The following AGAP1 variants were observed in gnomAD, a reference collection of about 807,000 sequenced individuals.
AGAP1 encodes the protein ArfGAP with GTPase domain, ankyrin repeat and PH domain 1.
A neutral mutation model predicts 105.3 loss-of-function variants in AGAP1; 29 were observed. The ratio of observed to expected loss-of-function variants is 0.28; its 90% confidence interval spans 0.21 to 0.38. The LOEUF is 0.38. AGAP1 is among the 10% of genes least tolerant of loss of function. AGAP1 has a pLI of 1.00. For missense variants in AGAP1, 998 were observed against 1,165.1 expected (o/e 0.86, Z 2.09); for synonymous variants, 509 against 485.9 (o/e 1.05, Z -0.63).
intron 1 of AGAP1, among the ~76,000 whole-genome samples, chr2:235,605,207 TAGTAATAAATAAGTGGTAATA>T (rs1428371484): frequency 2.6e-5 from 4 of 152,244 alleles, no homozygotes; most frequent in African/African-American, 4.8e-5. Flanking sequence ...TAACATTTAA[TAGTAATAAATAAGTGGTAATA>T]AGTAATAAAT....
At chr2:235,616,576 C>CCTAT in intron 1 of AGAP1, among the ~76,000 whole-genome samples, 1 of 151,672 alleles carries the variant, frequency 6.6e-6, no homozygotes, top group East Asian at 1.9e-4. Context: ...TTCATTTCTG[C>CCTAT]CTATCTTCTT....
rs542173819 is a variant in AGAP1, at chr2:236,083,601, A to T, written c.2114+34320A>T. 6.6e-6 allele frequency among the ~76,000 whole-genome samples: 1 copy of T among 152,154 alleles called. No individual in the cohort carries two copies. The highest frequency in any genetic ancestry group is 1.5e-5 in the Non-Finnish European group (1 of 68,010). On this transcript the variant is annotated intron_variant, in intron 16 of 17. Transcript: ENST00000304032. This position sits in a 1 kb window ranked among gnomAD's most constrained non-coding sequence, Gnocchi z 5.3. ...ACACCCATGCCTACATTAGAAAGAG[A>T]AGTACCCCAAATTTGGGAGGCTTTC...
intron 1 of AGAP1, among the ~76,000 whole-genome samples, chr2:235,526,296 A>G (rs1942835594): frequency 6.6e-6 from 1 of 152,248 alleles, no homozygotes; most frequent in Non-Finnish European, 1.5e-5. Flanking sequence ...AGATGAATCC[A>G]GAGGCATATC....
chr2:235,581,412 A>C (rs548188989), intron 1 of AGAP1, among the ~76,000 whole-genome samples: 1 of 150,990 alleles, frequency 6.6e-6, no homozygotes, highest in African/African-American at 2.4e-5. Context: ...CCAGCTTTTT[A>C]AGAATTCAAT....
intron 9 of AGAP1, among the ~76,000 whole-genome samples, chr2:235,814,580 A>C (rs979528737): frequency 1.3e-5 from 2 of 152,146 alleles, no homozygotes; most frequent in Non-Finnish European, 2.9e-5. Context: ...TGCAGCCCCC[A>C]GGCTCAGCTC....
chr2:235,947,640 G>A (rs79620397), intron 12 of AGAP1, among the ~76,000 whole-genome samples: 3,546 of 152,188 alleles, frequency 0.023, 149 homozygotes, highest in African/African-American at 0.081. Context: ...ATCTCCCCCC[G>A]ACCAGAATTT....
In AGAP1 at chr2:235,960,935, G is replaced by C. The variant is rs899057956; in HGVS notation, c.1484-7527G>C. 2.0e-5 allele frequency among the ~76,000 whole-genome samples: 3 copies of C among 152,224 alleles called. No homozygotes were observed. Among genetic ancestry groups the C allele is most frequent in the African/African-American group, 7.2e-5 (3 of 41,466 alleles). ...GGTTTTAAAACTAAGTCGCGAAATTGATACACTGCTGTGTGATACACCAGA... is the reference window on the plus strand; with the variant it reads ...GGTTTTAAAACTAAGTCGCGAAATTCATACACTGCTGTGTGATACACCAGA... On this transcript the variant is annotated intron_variant, in intron 12 of 17. Coordinates refer to ENST00000304032, the MANE Select transcript of AGAP1 (RefSeq NM_001037131.3). This position sits in a 1 kb window ranked among gnomAD's most constrained non-coding sequence, Gnocchi z 4.9.
chr2:236,021,616 C>T (rs1271466031), intron 13 of AGAP1, among the ~76,000 whole-genome samples: 1 of 152,156 alleles, frequency 6.6e-6, no homozygotes, highest in Non-Finnish European at 1.5e-5. Flanking sequence ...ATGTTTGGGC[C>T]TGGAGCTTTC....
intron 9 of AGAP1, among the ~76,000 whole-genome samples, chr2:235,863,263 A>G (rs569619890): frequency 6.6e-6 from 1 of 152,378 alleles, no homozygotes; most frequent in South Asian, 2.1e-4. Context: ...CACAGTGCCA[A>G]CCACAATGTG....
rs199516786 is a variant in AGAP1 at position 235,682,336 on chromosome 2, G to GGTTTT, written c.164-26823_164-26819dup. On this transcript the variant is annotated intron_variant, in intron 1 of 17. Transcript: ENST00000304032. Reference sequence around the variant, plus strand: ...TGGAACCAGGATCCTGTTTTGTGGGGGTTTTGTTTTGTTTTGTTTTGTTTG... The same window carrying GGTTTT: ...TGGAACCAGGATCCTGTTTTGTGGGGGTTTTGTTTTGTTTTGTTTTGTTTTGTTTG... 3.1e-3 allele frequency among the ~76,000 whole-genome samples: 475 copies of GGTTTT among 151,510 alleles called. 6 individuals are homozygous for GGTTTT. The highest frequency in any genetic ancestry group is 0.015 in the Admixed American group (228 of 15,196).
chr2:236,029,698 T>A (rs2057167956), intron 13 of AGAP1, among the ~76,000 whole-genome samples: 1 of 152,060 alleles, frequency 6.6e-6, no homozygotes, highest in Admixed American at 6.6e-5. Flanking sequence ...CTTTTTCTTT[T>A]CTCTTTCCCT....
intron 11 of AGAP1, among the ~76,000 whole-genome samples, chr2:235,920,657 G>A (rs1475506583): frequency 1.3e-5 from 2 of 152,190 alleles, no homozygotes; most frequent in African/African-American, 2.4e-5. Context: ...GCCAACTACA[G>A]CACTAAAGCA....
chr2:235,774,014 A>G (rs532184515), intron 6 of AGAP1: 36 of 464,538 alleles, frequency 7.7e-5, no homozygotes, highest in African/African-American at 5.0e-4. Context: ...AAACAGGACC[A>G]AGAGATAGCA....
chr2:235,702,644 CT>C (rs1950309171), intron 1 of AGAP1, among the ~76,000 whole-genome samples: 2 of 152,144 alleles, frequency 1.3e-5, no homozygotes, highest in South Asian at 4.1e-4. Context: ...ACATGGATGA[CT>C]TTTTTCATAC....
rs973320492 is a variant in AGAP1 at position 235,550,765 on chromosome 2, GTTTA to G, written c.163+55924_163+55927del. Among the ~76,000 whole-genome samples, 7 of 152,118 alleles carry G rather than the reference GTTTA, an allele frequency of 4.6e-5. No individual in the cohort carries two copies. Among genetic ancestry groups the G allele is most frequent in the Non-Finnish European group, 1.0e-4 (7 of 68,008 alleles). On this transcript the variant is annotated intron_variant, in intron 1 of 17. Coordinates refer to ENST00000304032, the MANE Select transcript of AGAP1 (RefSeq NM_001037131.3). This position sits in a 1 kb window ranked among gnomAD's most constrained non-coding sequence, Gnocchi z 4.6. Reference sequence around the variant, plus strand: ...AGCTCTTTGATGCTGATGAGATAGTGTTTATTTATTTTTATCTTATTTTTTTTGA... The same window carrying G: ...AGCTCTTTGATGCTGATGAGATAGTGTTTATTTTTATCTTATTTTTTTTGA...
At chr2:235,709,094 G>A (rs2149510588) in intron 1 of AGAP1, 85 bp from the exon 2 acceptor site, 1 of 1,323,430 alleles carries the variant, frequency 7.6e-7, no homozygotes, top group Admixed American at 1.7e-5. Flanking sequence ...GTGACCTTCG[G>A]ATGTGAAAAT....
intron 1 of AGAP1, among the ~76,000 whole-genome samples, chr2:235,531,753 T>C (rs4663205): frequency 0.86 from 131,337 of 151,854 alleles, 57,241 homozygotes; most frequent in East Asian, 0.99. Flanking sequence ...GGATTACAGG[T>C]GCCTGCCACC....
rs1321020735 is a variant in AGAP1 at position 236,036,755 on chromosome 2, T to C, written c.1800+40T>C. ...TGCCCAAAACCAAGGCTGGGGCTGCTCAGGGGGAGTGCGGGCCCCAAGTAA... is the reference window on the plus strand; with the variant it reads ...TGCCCAAAACCAAGGCTGGGGCTGCCCAGGGGGAGTGCGGGCCCCAAGTAA... On this transcript the variant is annotated intron_variant, in intron 14 of 17. Transcript: ENST00000304032. This position sits in a 1 kb window ranked among gnomAD's most constrained non-coding sequence, Gnocchi z 5.7. 4 of 1,611,500 alleles carry C rather than the reference T, an allele frequency of 2.5e-6. No individual in the cohort carries two copies. Among genetic ancestry groups the C allele is most frequent in the South Asian group, 2.2e-5 (2 of 90,646 alleles).
intron 1 of AGAP1, among the ~76,000 whole-genome samples, chr2:235,686,715 G>T (rs1242891312): frequency 7.1e-6 from 1 of 141,344 alleles, no homozygotes; most frequent in Non-Finnish European, 1.5e-5. Context: ...AGGATGGAGC[G>T]CAGTGGCGTG....
Sources: gnomAD v4.1 joint callset for allele counts (sites outside exome capture counted in the v4.1 genomes callset) on GRCh38, gnomAD v4.1.1 for gene constraint, Gnocchi (gnomAD v3.1) non-coding constraint, MANE v1.5 for transcripts, NCBI Gene and HGNC (gene_info 2026-07-23, HGNC 2026-07-21) for gene names.